Variants in IGSF21 observed in about 807,000 individuals in gnomAD.
The protein encoded by IGSF21 is immunoglobin superfamily member 21, also known as immunoglobulin superfamily member 21.
Under a neutral mutation model 46.8 loss-of-function variants are expected in IGSF21, and 28 were observed. That is an observed-to-expected ratio of 0.60 (90% CI 0.44 to 0.82). The LOEUF (loss-of-function observed/expected upper bound fraction) is 0.82, where lower values mean the gene tolerates loss of function less well. Ranked by LOEUF, IGSF21 falls within the 40% of genes least tolerant of loss-of-function variation. IGSF21 has a pLI of 0.00. For missense variants in IGSF21, 624 were observed against 665.5 expected, an observed-to-expected ratio of 0.94 and a Z score of 0.69; for synonymous variants, 284 against 273.6, an observed-to-expected ratio of 1.04 and a Z score of -0.38.
intron 5 of IGSF21, 112 bp downstream of exon 5, chr1:18,362,342 G>A (rs926601948): frequency 1.3e-6 from 1 of 745,718 alleles, no homozygotes; most frequent in Non-Finnish European, 2.3e-6. Flanking sequence ...GGTTGGCCAG[G>A]GCTGACTCTG....
At chr1:18,206,202 T>C (rs2084319961) in intron 1 of IGSF21, among the ~76,000 whole-genome samples, 1 of 152,190 alleles carries the variant, frequency 6.6e-6, no homozygotes, top group Non-Finnish European at 1.5e-5. Flanking sequence ...GTTATGACAT[T>C]GAACAGAGAC....
In IGSF21 at chr1:18,371,134, A is replaced by G. The variant is rs1037235146; in HGVS notation, c.1016-5176A>G. ...AGCTTTATTCATGGCAACAGCAAAA[A>G]CAACAGAACTGTAAATAATCTAAAT... On this transcript the variant is annotated intron_variant, in intron 6 of 9. Transcript: ENST00000251296. Among the ~76,000 whole-genome samples, 3 of 152,394 alleles carry G rather than the reference A, an allele frequency of 2.0e-5. No individual in the cohort carries two copies. The East Asian group carries it at 5.8e-4, about 29-fold the overall frequency.
chr1:18,344,692 G>A (rs1419638373), intron 4 of IGSF21, among the ~76,000 whole-genome samples: 1 of 152,196 alleles, frequency 6.6e-6, no homozygotes, highest in Admixed American at 6.5e-5. Flanking sequence ...GGGTAGGTCA[G>A]TGGAGGGAGG....
rs1038327956 is a variant in IGSF21, at chr1:18,215,458, C to T, written c.71-12440C>T. ...TAGATGCTGTGAGAGGGCCACCTAACCCAGATTTGGGAATGCTGGGCATGG... is the reference window on the plus strand; with the variant it reads ...TAGATGCTGTGAGAGGGCCACCTAATCCAGATTTGGGAATGCTGGGCATGG... On this transcript the variant is annotated intron_variant, in intron 1 of 9. Transcript: ENST00000251296. Among the ~76,000 whole-genome samples, 28 of 152,162 alleles carry T rather than the reference C, an allele frequency of 1.8e-4. 3 individuals are homozygous for T. Among genetic ancestry groups the T allele is most frequent in the Admixed American group, 1.3e-3 (20 of 15,284 alleles).
At chr1:18,222,278 C>T (rs1570353253) in intron 1 of IGSF21, among the ~76,000 whole-genome samples, 1 of 152,310 alleles carries the variant, frequency 6.6e-6, no homozygotes, top group Non-Finnish European at 1.5e-5. Flanking sequence ...CTTTGTGGGT[C>T]TCCTGACTTT....
intron 2 of IGSF21, among the ~76,000 whole-genome samples, chr1:18,250,094 CCTCG>C (rs2084824570): frequency 6.5e-5 from 6 of 92,918 alleles, no homozygotes; most frequent in African/African-American, 2.3e-4. Context: ...CCACTCCCTC[CCTCG>C]CTCCCTCCCT....
rs2084671382 is a variant in IGSF21, at chr1:18,236,203, G to A, written c.183+8193G>A. 2.0e-5 allele frequency among the ~76,000 whole-genome samples: 3 copies of A among 152,084 alleles called. No homozygotes were observed. In the South Asian group the frequency reaches 6.2e-4, roughly 32 times the overall value. On this transcript the variant is annotated intron_variant, in intron 2 of 9. Transcript: ENST00000251296. Reference sequence around the variant, plus strand: ...CCAGGTGGAGATAATTGAATCATGGGGGCAGCTTCCCCCATACTGTTCTCC... The same window carrying A: ...CCAGGTGGAGATAATTGAATCATGGAGGCAGCTTCCCCCATACTGTTCTCC...
intron 1 of IGSF21, among the ~76,000 whole-genome samples, chr1:18,207,120 C>T (rs533529161): frequency 2.1e-4 from 32 of 152,284 alleles, no homozygotes; most frequent in South Asian, 6.2e-4. Flanking sequence ...ACTGAGGTCC[C>T]GGCTTCCTTG....
chr1:18,268,955 T>G (rs1331775895), intron 2 of IGSF21, among the ~76,000 whole-genome samples: 1 of 152,196 alleles, frequency 6.6e-6, no homozygotes, highest in Non-Finnish European at 1.5e-5. Flanking sequence ...AGGTATGTTG[T>G]ATAGTAAATC....
At chr1:18,278,203 C>CATTT (rs1457717839) in intron 2 of IGSF21, among the ~76,000 whole-genome samples, 5 of 122,770 alleles carry the variant, frequency 4.1e-5, no homozygotes, top group African/African-American at 8.4e-5. Flanking sequence ...AACATGGCTG[C>CATTT]ATTCATTTAT....
At position 18,319,490 on chromosome 1, in the gene IGSF21, C is replaced by A. The variant is rs562428245; in HGVS notation, c.306-15402C>A. Reference sequence around the variant, plus strand: ...GCATAGCTGCTGAATTGTTTAACTTCTTTACACAGGCTGTAAGCCCGTGAA... The same window carrying A: ...GCATAGCTGCTGAATTGTTTAACTTATTTACACAGGCTGTAAGCCCGTGAA... On this transcript the variant is annotated intron_variant, in intron 3 of 9. Transcript: ENST00000251296. Among the ~76,000 whole-genome samples, 69 of 151,846 alleles carry A rather than the reference C, an allele frequency of 4.5e-4. 1 individual carries two copies. Among genetic ancestry groups the A allele is most frequent in the Non-Finnish European group, 1.9e-4 (13 of 67,984 alleles).
chr1:18,123,878 A>T (rs2086254570), intron 1 of IGSF21, among the ~76,000 whole-genome samples: 1 of 152,176 alleles, frequency 6.6e-6, no homozygotes, highest in Non-Finnish European at 1.5e-5. Context: ...TCCTGCAATT[A>T]GACAAATTCC....
intron 2 of IGSF21, among the ~76,000 whole-genome samples, chr1:18,251,611 C>T (rs1325523120): frequency 6.6e-6 from 1 of 152,162 alleles, no homozygotes; most frequent in Non-Finnish European, 1.5e-5. Context: ...TCATTGTGTC[C>T]ATCCACACGG....
chr1:18,368,098 G>A (rs1246440789), intron 6 of IGSF21, among the ~76,000 whole-genome samples: 2 of 152,016 alleles, frequency 1.3e-5, no homozygotes, highest in African/African-American at 4.8e-5. Flanking sequence ...GTGAGTGGGG[G>A]AGAATTCAAA....
At chr1:18,120,040 G>T (rs1340845089) in intron 1 of IGSF21, among the ~76,000 whole-genome samples, 1 of 152,226 alleles carries the variant, frequency 6.6e-6, no homozygotes, top group Admixed American at 6.5e-5. Context: ...CCATTTCTAT[G>T]TTCTGTGATC....
chr1:18,140,323 G>C (rs899472352), intron 1 of IGSF21, among the ~76,000 whole-genome samples: 3 of 152,206 alleles, frequency 2.0e-5, no homozygotes, highest in African/African-American at 7.2e-5. Context: ...CTGCAGGAAA[G>C]CTGGCTTAAT....
chr1:18,372,180 A>C (rs1006065615), intron 6 of IGSF21, among the ~76,000 whole-genome samples: 1 of 152,226 alleles, frequency 6.6e-6, no homozygotes, highest in African/African-American at 2.4e-5. Flanking sequence ...ACCCCAACAT[A>C]GTTCTTAATA....
At chr1:18,220,957 T>G (rs557717489) in intron 1 of IGSF21, among the ~76,000 whole-genome samples, 5 of 152,006 alleles carry the variant, frequency 3.3e-5, no homozygotes. Flanking sequence ...TATGGAGCAA[T>G]GGGAAGCTCC....
chr1:18,198,790 CT>C (rs2087036121), intron 1 of IGSF21, among the ~76,000 whole-genome samples: 2 of 152,300 alleles, frequency 1.3e-5, no homozygotes, highest in East Asian at 1.9e-4. Flanking sequence ...CACCACCCCC[CT>C]GGCCCTACTT....
Sources: gnomAD v4.1 joint callset for allele counts (sites outside exome capture counted in the v4.1 genomes callset) on GRCh38, gnomAD v4.1.1 for gene constraint, MANE v1.5 for transcripts, NCBI Gene and HGNC (gene_info 2026-07-23, HGNC 2026-07-21) for gene names.